APEH: variants seen among roughly 807,000 people sequenced by gnomAD.
APEH encodes acylamino-acid-releasing enzyme.
APEH carries 75 observed loss-of-function variants against 102.7 expected under a neutral mutation model. The ratio of observed to expected loss-of-function variants is 0.73; its 90% CI spans 0.61 to 0.89. APEH has a LOEUF of 0.89. Ranked by LOEUF, APEH falls within the 40% of genes least tolerant of loss-of-function variation. The pLI, the probability that APEH is intolerant of heterozygous loss-of-function variation, is 0.00. For missense variants in APEH, 863 were observed against 941.2 expected, an observed-to-expected ratio of 0.92 and a Z score of 1.09; for synonymous variants, 344 against 362.7, an observed-to-expected ratio of 0.95 and a Z score of 0.59.
chr3:49,675,631 C>T, intron 3 of APEH, 63 bp from the exon 4 acceptor site: 2 of 1,459,298 alleles, frequency 1.4e-6, no homozygotes, highest in East Asian at 2.3e-5. Flanking sequence ...GAGGTGTGCC[C>T]AGTAGGGAGC....
intron 13 of APEH, chr3:49,680,028 G>A (rs1398848348): frequency 4.2e-6 from 1 of 236,520 alleles, no homozygotes; most frequent in Non-Finnish European, 8.6e-6. Flanking sequence ...GCCACCTGAG[G>A]GCCCAGGAAA....
At position 49,682,742 on chromosome 3, in the gene APEH, CA is replaced by C. The variant is rs758314263; in HGVS notation, c.1883+7del. The stretch of plus-strand genomic sequence containing the variant: ...TCCACTGACATCCCTGACTGGTAGG[CA>C]TACACCACAGGTCCCTGCCCTTCCC... On this transcript the variant is annotated splice_region_variant and intron_variant, in intron 19 of 21. Transcript: ENST00000296456. 1.7e-5 allele frequency: 28 copies of C among 1,613,626 alleles called. 1 individual carries two copies. The South Asian group carries it at 3.0e-4, about 17-fold the overall frequency.
intron 15 of APEH, among the ~76,000 whole-genome samples, chr3:49,681,512 A>G (rs534086837): frequency 6.6e-6 from 1 of 152,340 alleles, no homozygotes; most frequent in Non-Finnish European, 1.5e-5. Flanking sequence ...CTCAGTGACC[A>G]CACCTCATCC....
In APEH at chr3:49,676,979, G is replaced by A. The variant is rs1348909332; in HGVS notation, c.954G>A (p.Gln318=). 4 of 1,614,156 alleles carry A rather than the reference G, an allele frequency of 2.5e-6. No homozygotes were observed. The highest frequency in any genetic ancestry group is 1.6e-4 in the Middle Eastern group (1 of 6,062). ...ACCAATGTCGCATTGTCTACCTGCA[G>A]TACCCATCTCTGATCCCCCATCACC... ...SPDQCRIVYL[Q]YPSLIPHHQC... is the part of the protein sequence containing the mutation. The change falls in exon 10 of 22, where the codon CAG becomes CAA. Residue 318 remains glutamine, a synonymous_variant. Coordinates refer to ENST00000296456, the MANE Select transcript of APEH (RefSeq NM_001640.4).
At chr3:49,675,672 C>CTG (rs2053002755) in intron 3 of APEH, 22 bp from the exon 4 acceptor site, 2 of 1,599,630 alleles carry the variant, frequency 1.3e-6, no homozygotes, top group South Asian at 2.2e-5. Context: ...TAATCCTGAC[C>CTG]TGTGCTACCC....
In APEH at chr3:49,678,867, TCTA is replaced by T; in HGVS notation, c.1079_1081del (p.Tyr360del). On this transcript the variant is annotated inframe_deletion, in exon 12 of 22. Coordinates refer to ENST00000296456, the MANE Select transcript of APEH (RefSeq NM_001640.4). ...ATCTTTACAGAGAACTTCTCTGGGA[TCTA>T]CTGCAGCCTTCTGCCTTTGGGATGC... The T allele has an allele frequency of 6.2e-7, 1 of 1,613,660 alleles. No individual in the cohort carries two copies. The highest frequency in any genetic ancestry group is 8.5e-7 in the Non-Finnish European group (1 of 1,179,744).
At chr3:49,676,270 T>C in intron 6 of APEH, 51 bp downstream of exon 6, 1 of 1,611,336 alleles carries the variant, frequency 6.2e-7, no homozygotes, top group Non-Finnish European at 8.5e-7. Flanking sequence ...TGGGGCTCAG[T>C]GTGCTCCCTT....
chr3:49,675,017 G>A (rs943129743), intron 2 of APEH, among the ~76,000 whole-genome samples, 166 bp from the exon 3 acceptor site: 4 of 152,220 alleles, frequency 2.6e-5, no homozygotes, highest in African/African-American at 9.6e-5. Context: ...GCCTGGACTA[G>A]GGTTGTGGCC....
Position 49,675,927 on chromosome 3 carries a change from C to G in APEH, c.403C>G (p.Leu135Val). 3 of 1,614,196 alleles carry G rather than the reference C, an allele frequency of 1.9e-6. No homozygotes were observed. In the South Asian group the frequency reaches 3.3e-5, roughly 18 times the overall value. Residue 135 changes from leucine to valine, a missense_variant, in exon 5 of 22, where the codon CTG (leucine) becomes GTG (valine). Physicochemically the swap from Leu to Val is conservative, Grantham distance 32. Coordinates refer to ENST00000296456, the MANE Select transcript of APEH (RefSeq NM_001640.4). The part of the protein sequence containing the change: ...EKNRKLKSFN[L>V]SALEKHGPVY... Reference sequence around the variant, plus strand: ...GAACCGGAAGCTCAAGAGCTTCAACCTGTCAGCGCTGGAGAAACATGGGCC... The same window carrying G: ...GAACCGGAAGCTCAAGAGCTTCAACGTGTCAGCGCTGGAGAAACATGGGCC...
intron 15 of APEH, 104 bp from the exon 16 acceptor site, chr3:49,681,618 A>G: frequency 9.2e-7 from 1 of 1,088,876 alleles, no homozygotes; most frequent in Non-Finnish European, 1.3e-6. Context: ...TACCTTGGCC[A>G]GGTCTCTGAC....
intron 15 of APEH, 120 bp downstream of exon 15, chr3:49,681,359 G>C: frequency 8.3e-7 from 1 of 1,207,948 alleles, no homozygotes; most frequent in Non-Finnish European, 1.1e-6. Flanking sequence ...CCTCTAAGAG[G>C]TTTTCTGTTC....
At position 49,682,831 on chromosome 3, in the gene APEH, G is replaced by C; in HGVS notation, c.1884-12G>C. ...AGAATTCCTGGGGCTGCAACAGCTC[G>C]GTGTCTTGCAGGTGCGTGGTGGAGG... On this transcript the variant is annotated splice_polypyrimidine_tract_variant and intron_variant, in intron 19 of 21. Transcript: ENST00000296456. 1 of 1,613,978 alleles carries C rather than the reference G, an allele frequency of 6.2e-7. No homozygotes were observed. Among genetic ancestry groups the C allele is most frequent in the Non-Finnish European group, 8.5e-7 (1 of 1,180,002 alleles).
rs200600571 is a variant in APEH at position 49,677,072 on chromosome 3, G to T, written c.999+48G>T. On this transcript the variant is annotated intron_variant, in intron 10 of 21. Coordinates refer to ENST00000296456, the MANE Select transcript of APEH (RefSeq NM_001640.4). ...GGGAGGGTGGTCAGCAAGAAGATGG[G>T]ATGGTGGATGAGAGCTGAAGGGCCA... 23 of 1,612,004 alleles carry T rather than the reference G, an allele frequency of 1.4e-5. No individual in the cohort carries two copies. The Middle Eastern group carries it at 6.6e-4, about 46-fold the overall frequency.
rs2053416422 is a variant in APEH at position 49,682,953 on chromosome 3, G to GC, written c.1986+13dup. 6.2e-7 allele frequency: 1 copy of GC among 1,613,052 alleles called. No homozygotes were observed. Among genetic ancestry groups the GC allele is most frequent in the Non-Finnish European group, 8.5e-7 (1 of 1,179,556 alleles). On this transcript the variant is annotated intron_variant, in intron 20 of 21. Transcript: ENST00000296456. ...ATCAGATACATCCCTCAGGTATGCA[G>GC]CCCCCTCCTTGCCCTGTGTGCTGCC... is the stretch of plus-strand genomic sequence containing the variant.
In APEH at chr3:49,676,447, G is replaced by A. The variant is rs879725137; in HGVS notation, c.676G>A (p.Val226Met). ...MVSKSIPVLCVLDVESGNISV... is the reference protein window; with the variant it reads ...MVSKSIPVLCMLDVESGNISV... ...TTCCAAAAGCATCCCTGTGCTCTGCGTGCTGGATGTCGAGAGTGGCAACAT... is the reference window on the plus strand; with the variant it reads ...TTCCAAAAGCATCCCTGTGCTCTGCATGCTGGATGTCGAGAGTGGCAACAT... The change falls in exon 7 of 22, where the codon GTG (valine) becomes ATG (methionine). Residue 226 changes from valine (V) to methionine (M), a missense_variant. By Grantham distance (21) the Val-to-Met change is conservative. Transcript: ENST00000296456. The A allele has an allele frequency of 8.7e-6, 14 of 1,614,118 alleles. No individual in the cohort carries two copies. Among genetic ancestry groups the A allele is most frequent in the Admixed American group, 3.3e-5 (2 of 60,018 alleles).
At chr3:49,680,239 C>G in intron 13 of APEH, 1 of 386,478 alleles carries the variant, frequency 2.6e-6, no homozygotes, top group Non-Finnish European at 4.9e-6. Context: ...CCCCCAACTT[C>G]CCGGTCCCAG....
chr3:49,679,694 C>A lies in APEH; in HGVS notation c.1210+50C>A, dbSNP rs765174960. The stretch of plus-strand genomic sequence containing the variant: ...GTAAGGGCAGGGCTGGTGAGCAAGC[C>A]AACCAGGCAGCGGGGGACTGGAGCT... On this transcript the variant is annotated intron_variant, in intron 13 of 21. Coordinates refer to ENST00000296456, the MANE Select transcript of APEH (RefSeq NM_001640.4). The surrounding 1 kb of genome is among the most constrained non-coding windows in gnomAD (Gnocchi z 4.3). 6.3e-7 allele frequency: 1 copy of A among 1,577,166 alleles called. No individual in the cohort carries two copies. Among genetic ancestry groups the A allele is most frequent in the Non-Finnish European group, 8.7e-7 (1 of 1,147,504 alleles).
chr3:49,675,934 C>T lies in APEH; in HGVS notation c.410C>T (p.Ala137Val), dbSNP rs750286026. ...AAGCTCAAGAGCTTCAACCTGTCAG[C>T]GCTGGAGAAACATGGGCCTGTTTAT... Reference protein sequence around the residue: ...NRKLKSFNLSALEKHGPVYED... With the variant: ...NRKLKSFNLSVLEKHGPVYED... Residue 137 changes from alanine (A) to valine (V), a missense_variant, in exon 5 of 22, where the codon GCG becomes GTG. Ala to Val is a moderately conservative substitution (Grantham distance 64). Coordinates refer to ENST00000296456, the MANE Select transcript of APEH (RefSeq NM_001640.4). The T allele has an allele frequency of 1.6e-5, 26 of 1,614,048 alleles. No homozygotes were observed. Among genetic ancestry groups the T allele is most frequent in the African/African-American group, 4.0e-5 (3 of 74,914 alleles).
At position 49,683,467 on chromosome 3, in the gene APEH, A is replaced by G; in HGVS notation, c.*125A>G. The G allele has an allele frequency of 1.3e-6, 1 of 771,964 alleles. No homozygotes were observed. Among genetic ancestry groups the G allele is most frequent in the East Asian group, 2.6e-5 (1 of 38,636 alleles). The allele number at this position is 771,964 out of a possible 1,614,324, so 47.8% of individuals were successfully genotyped here. On this transcript the variant is annotated 3_prime_UTR_variant, in exon 22 of 22. Coordinates refer to ENST00000296456, the MANE Select transcript of APEH (RefSeq NM_001640.4). ...ACTCCACGGATGCGTGGGCAGAGGAATGTGGGCTATGTAGTCATAATAAAT... is the reference window on the plus strand; with the variant it reads ...ACTCCACGGATGCGTGGGCAGAGGAGTGTGGGCTATGTAGTCATAATAAAT...
Sources: allele counts gnomAD v4.1 joint callset (sites outside exome capture counted in the v4.1 genomes callset), GRCh38; gene constraint gnomAD v4.1.1; non-coding constraint Gnocchi (gnomAD v3.1); transcripts MANE v1.5; gene names NCBI Gene and HGNC (gene_info 2026-07-23, HGNC 2026-07-21).